Variants in PCDHGA3 observed in about 807,000 individuals in gnomAD.
The protein encoded by PCDHGA3 is protocadherin gamma subfamily A, 3.
Under a neutral mutation model 58.5 loss-of-function variants are expected in PCDHGA3, and 40 were observed. The ratio of observed to expected loss-of-function variants is 0.68; its 90% CI spans 0.53 to 0.89. The LOEUF is 0.89. Ranked by LOEUF, PCDHGA3 falls within the 40% of genes least tolerant of loss-of-function variation. The pLI is 0.00. For missense variants in PCDHGA3, 1,223 were observed against 1,195.9 expected (o/e 1.02, Z -0.33); for synonymous variants, 530 against 525.7 (o/e 1.01, Z -0.11).
rs533857281 is a variant in PCDHGA3 at position 141,429,742 on chromosome 5, T to C, written c.2425-65065T>C. Among the ~76,000 whole-genome samples the C allele has an allele frequency of 3.8e-4, 58 of 152,336 alleles. 1 individual carries two copies. Among genetic ancestry groups the C allele is most frequent in the Admixed American group, 2.0e-4 (3 of 15,302 alleles). Reference sequence around the variant, plus strand: ...ATGAAAGTACGTAGCCAGTTATTTCTTAGGGAGAATTTTTTCCCTATATTT... The same window carrying C: ...ATGAAAGTACGTAGCCAGTTATTTCCTAGGGAGAATTTTTTCCCTATATTT... On this transcript the variant is annotated intron_variant, in intron 1 of 3. Transcript: ENST00000253812.
chr5:141,423,628 A>G (rs1272272666), intron 1 of PCDHGA3: 2 of 1,604,848 alleles, frequency 1.2e-6, no homozygotes, highest in African/African-American at 1.3e-5. Context: ...CTCAGCTATC[A>G]TTTTAGGCAA....
chr5:141,462,682 G>T (rs560423384), intron 1 of PCDHGA3, among the ~76,000 whole-genome samples: 2 of 151,790 alleles, frequency 1.3e-5, no homozygotes, highest in Non-Finnish European at 2.9e-5. Context: ...TTAAATTTTT[G>T]AGCACATTTA....
intron 1 of PCDHGA3, chr5:141,351,811 C>T (rs962928273): frequency 3.7e-6 from 6 of 1,613,306 alleles, no homozygotes; most frequent in Admixed American, 1.7e-5. Flanking sequence ...GCGCCTTCGA[C>T]CACGAGCAGC....
chr5:141,362,282 G>C lies in PCDHGA3; in HGVS notation c.2424+15825G>C, dbSNP rs750712376. The C allele has an allele frequency of 2.5e-6, 4 of 1,613,920 alleles. No homozygotes were observed. In the East Asian group the frequency reaches 8.9e-5, roughly 36 times the overall value. ...ATTCTGGCAATCTCCCTGCGCCTGC[G>C]ACTCTCTTCCAGGTCAGATGCTTGG... On this transcript the variant is annotated intron_variant, in intron 1 of 3. Transcript: ENST00000253812.
At position 141,357,483 on chromosome 5, in the gene PCDHGA3, G is replaced by A. The variant is rs368424779; in HGVS notation, c.2424+11026G>A. On this transcript the variant is annotated intron_variant, in intron 1 of 3. Coordinates refer to ENST00000253812, the MANE Select transcript of PCDHGA3 (RefSeq NM_018916.4). The stretch of plus-strand genomic sequence containing the variant: ...ATTCCCACGAGGTCTCCCTCACCGC[G>A]GACTCGCGGAAGAGTCACCTGATCT... The A allele has an allele frequency of 1.2e-4, 201 of 1,614,194 alleles. No homozygotes were observed. In the African/African-American group the frequency reaches 2.1e-3, roughly 17 times the overall value.
chr5:141,477,854 C>T lies in PCDHGA3; in HGVS notation c.2425-16953C>T. Reference sequence around the variant, plus strand: ...GCCAGGTGGGAGCTCGGTGGAGATGCTGCCTCGAGGTACCTCAGCTGGCCA... The same window carrying T: ...GCCAGGTGGGAGCTCGGTGGAGATGTTGCCTCGAGGTACCTCAGCTGGCCA... On this transcript the variant is annotated intron_variant, in intron 1 of 3. Transcript: ENST00000253812. This position sits in a 1 kb window ranked among gnomAD's most constrained non-coding sequence, Gnocchi z 4.9. 1.9e-6 allele frequency: 3 copies of T among 1,614,098 alleles called. No individual in the cohort carries two copies. The South Asian group carries it at 3.3e-5, about 18-fold the overall frequency.
chr5:141,394,514 C>T, intron 1 of PCDHGA3: 1 of 1,614,230 alleles, frequency 6.2e-7, no homozygotes. Flanking sequence ...ACCCCGCCCT[C>T]CCCACAGACG....
chr5:141,414,870 G>A (rs1325555474), intron 1 of PCDHGA3: 1 of 1,614,224 alleles, frequency 6.2e-7, no homozygotes, highest in Non-Finnish European at 8.5e-7. Context: ...ATGCGCCCGA[G>A]ATCCTGTACC....
At chr5:141,447,214 A>G (rs2098530358) in intron 1 of PCDHGA3, among the ~76,000 whole-genome samples, 1 of 152,092 alleles carries the variant, frequency 6.6e-6, no homozygotes, top group Admixed American at 6.6e-5. Context: ...ATCTCGGCTC[A>G]CTGCAACCTC....
At chr5:141,427,615 A>G (rs1428096450) in intron 1 of PCDHGA3, 2 of 693,732 alleles carry the variant, frequency 2.9e-6, no homozygotes, top group Non-Finnish European at 5.3e-6. Context: ...GGTGAAGTCA[A>G]CGACAATGCT....
chr5:141,506,834 C>T (rs2099856597), intron 3 of PCDHGA3, among the ~76,000 whole-genome samples: 1 of 152,140 alleles, frequency 6.6e-6, no homozygotes, highest in Non-Finnish European at 1.5e-5. Flanking sequence ...ACTGATAGCC[C>T]TGCCCTCCAG....
At position 141,345,812 on chromosome 5, in the gene PCDHGA3, G is replaced by T. The variant is rs750444866; in HGVS notation, c.1779G>T (p.Ala593=). The T allele has an allele frequency of 1.5e-5, 25 of 1,613,746 alleles. No individual in the cohort carries two copies. In the East Asian group the frequency reaches 4.2e-4, roughly 27 times the overall value. Residue 593 remains alanine, a synonymous_variant, in exon 1 of 4, where the codon GCG becomes GCT. Coordinates refer to ENST00000253812, the MANE Select transcript of PCDHGA3 (RefSeq NM_018916.4). ...GCTACCTGGTGACCAAGGTGGTGGC[G>T]GTGGACAGAGACTCGGGCCAGAACG... ...EPGYLVTKVV[A]VDRDSGQNAW...
intron 1 of PCDHGA3, chr5:141,419,126 G>A: frequency 6.2e-7 from 1 of 1,613,770 alleles, no homozygotes; most frequent in Non-Finnish European, 8.5e-7. Context: ...CGTCACCATC[G>A]CAGCCACAGA....
At position 141,431,850 on chromosome 5, in the gene PCDHGA3, C is replaced by T; in HGVS notation, c.2425-62957C>T. On this transcript the variant is annotated intron_variant, in intron 1 of 3. Transcript: ENST00000253812. The surrounding 1 kb of genome is among the most constrained non-coding windows in gnomAD (Gnocchi z 4.8). ...GTTCCCGAAAACTCTCCCAGAGGGA[C>T]ATTAATTGCCCTTTTAAATGTAAAT... The T allele has an allele frequency of 1.9e-6, 3 of 1,614,234 alleles. No homozygotes were observed. The highest frequency in any genetic ancestry group is 2.2e-5 in the South Asian group (2 of 91,090).
At chr5:141,376,106 C>G (rs747782630) in intron 1 of PCDHGA3, 2 of 1,613,796 alleles carry the variant, frequency 1.2e-6, no homozygotes, top group East Asian at 4.5e-5. Flanking sequence ...CCTGGCCGAC[C>G]TGGGCAGCCT....
chr5:141,431,748 G>A lies in PCDHGA3; in HGVS notation c.2425-63059G>A, dbSNP rs759671844. On this transcript the variant is annotated intron_variant, in intron 1 of 3. Coordinates refer to ENST00000253812, the MANE Select transcript of PCDHGA3 (RefSeq NM_018916.4). This position sits in a 1 kb window ranked among gnomAD's most constrained non-coding sequence, Gnocchi z 4.8. ...ATGGATAATGCAGGATATTCTGCGC[G>A]AGCCAAAGTCCTGATCACTGTTCTG... 4 of 1,614,078 alleles carry A rather than the reference G, an allele frequency of 2.5e-6. No individual in the cohort carries two copies. Among genetic ancestry groups the A allele is most frequent in the African/African-American group, 1.3e-5 (1 of 74,934 alleles).
rs1047192133 is a variant in PCDHGA3 at position 141,345,020 on chromosome 5, A to C, written c.987A>C (p.Ser329=). ...IEAQDGPGLL[S]RAKILVTVLD... is the part of the protein sequence containing the mutation. ...CACAGGATGGACCAGGTCTTCTTTC[A>C]AGAGCCAAGATTCTAGTCACGGTTC... The change falls in exon 1 of 4, where the codon TCA becomes TCC. Residue 329 remains serine (S), a synonymous_variant. Coordinates refer to ENST00000253812, the MANE Select transcript of PCDHGA3 (RefSeq NM_018916.4). 1.2e-6 allele frequency: 2 copies of C among 1,613,994 alleles called. No homozygotes were observed. The highest frequency in any genetic ancestry group is 3.3e-5 in the Admixed American group (2 of 60,028).
intron 1 of PCDHGA3, chr5:141,355,806 C>G (rs1759989019): frequency 6.2e-7 from 1 of 1,613,258 alleles, no homozygotes; most frequent in East Asian, 2.2e-5. Flanking sequence ...CTCTAGATCG[C>G]GAGGAAGAGG....
chr5:141,436,298 T>C (rs1480546595), intron 1 of PCDHGA3, among the ~76,000 whole-genome samples: 3 of 152,186 alleles, frequency 2.0e-5, no homozygotes, highest in Non-Finnish European at 4.4e-5. Flanking sequence ...CATTGAGAGT[T>C]AGAGCATGAA....
Sources: allele counts gnomAD v4.1 joint callset (sites outside exome capture counted in the v4.1 genomes callset), GRCh38; gene constraint gnomAD v4.1.1; non-coding constraint Gnocchi (gnomAD v3.1); transcripts MANE v1.5; gene names NCBI Gene and HGNC (gene_info 2026-07-23, HGNC 2026-07-21).